Variants in LARGE1 observed in about 807,000 individuals in gnomAD.
LARGE1 encodes the protein xylosyl- and glucuronyltransferase LARGE1.
Under a neutral mutation model 87.6 loss-of-function variants are expected in LARGE1, and 43 were observed. The observed-to-expected ratio is 0.49, with a 90% CI of 0.38 to 0.63. The LOEUF (loss-of-function observed/expected upper bound fraction) is 0.63, where lower values mean the gene tolerates loss of function less well. LARGE1 is among the 30% of genes least tolerant of loss of function. The pLI, the probability that LARGE1 is intolerant of heterozygous loss-of-function variation, is 0.00. For missense variants in LARGE1, 802 were observed against 1,000.2 expected (o/e 0.80, Z 2.67); for synonymous variants, 434 against 394.6 (o/e 1.10, Z -1.18).
chr22:33,914,270 C>T (rs1219897368), intron 1 of LARGE1, among the ~76,000 whole-genome samples: 1 of 152,150 alleles, frequency 6.6e-6, no homozygotes, highest in East Asian at 1.9e-4. Context: ...TACCCAATTG[C>T]TCTTCTACTC....
intron 6 of LARGE1, among the ~76,000 whole-genome samples, chr22:33,507,839 G>GTA (rs1317497853): frequency 2.6e-5 from 4 of 152,140 alleles, no homozygotes; most frequent in Non-Finnish European, 4.4e-5. Flanking sequence ...CACTGGTGTG[G>GTA]TACCAGAATT....
chr22:33,375,431 T>C (rs966036533), intron 9 of LARGE1, among the ~76,000 whole-genome samples: 7 of 152,168 alleles, frequency 4.6e-5, no homozygotes, highest in Middle Eastern at 3.2e-3. Context: ...GCAGACCCCT[T>C]GAGGCCAGGA....
chr22:33,653,656 T>C (rs143219079), intron 2 of LARGE1, among the ~76,000 whole-genome samples: 8 of 152,276 alleles, frequency 5.3e-5, no homozygotes, highest in African/African-American at 9.6e-5. Flanking sequence ...GTGTCCCTTA[T>C]TGGGAGGCGC....
rs2064259653 is a variant in LARGE1 at position 33,870,906 on chromosome 22, G to T, written c.-83+49089C>A. On this transcript the variant is annotated intron_variant, in intron 1 of 14. Coordinates refer to ENST00000397394, the MANE Select transcript of LARGE1 (RefSeq NM_133642.5). ...AGGAGGGAAAACTGAGGCATACAGA[G>T]ATTAAATCATTTGCATAAGGGCACA... 2.6e-5 allele frequency among the ~76,000 whole-genome samples: 4 copies of T among 152,166 alleles called. 1 individual carries two copies. The South Asian group carries it at 8.3e-4, about 32-fold the overall frequency.
chr22:33,260,998 G>C (rs1271485468), intron 11 of LARGE1, among the ~76,000 whole-genome samples: 1 of 152,142 alleles, frequency 6.6e-6, no homozygotes, highest in Non-Finnish European at 1.5e-5. Flanking sequence ...AAATGCCAAT[G>C]AATTGCCCAA....
chr22:33,394,702 C>CGTGTGTGT (rs59338001), intron 7 of LARGE1, among the ~76,000 whole-genome samples: 162 of 142,420 alleles, frequency 1.1e-3, no homozygotes, highest in East Asian at 9.9e-3. Flanking sequence ...CTCCTGGGAG[C>CGTGTGTGT]GTGTGTGTGT....
intron 6 of LARGE1, among the ~76,000 whole-genome samples, chr22:33,461,692 CA>C (rs59692721): frequency 0.21 from 29,826 of 142,372 alleles, 3,040 homozygotes; most frequent in East Asian, 0.29. Flanking sequence ...AGAGAAATTA[CA>C]AAAAAAAAAA....
intron 11 of LARGE1, among the ~76,000 whole-genome samples, chr22:33,235,476 TAACA>T (rs57370374): frequency 0.025 from 3,753 of 152,288 alleles, 52 homozygotes; most frequent in African/African-American, 0.033. Flanking sequence ...TTGGTGCACG[TAACA>T]AACAAACGGA....
chr22:33,254,383 TGAA>T (rs569592388), intron 11 of LARGE1, among the ~76,000 whole-genome samples: 90 of 152,334 alleles, frequency 5.9e-4, no homozygotes, highest in South Asian at 1.0e-3. Flanking sequence ...GGCCCATTGT[TGAA>T]GAGGTTGTGG....
intron 6 of LARGE1, among the ~76,000 whole-genome samples, chr22:33,493,154 C>CTTTT (rs750203810): frequency 4.1e-4 from 45 of 109,188 alleles, no homozygotes; most frequent in African/African-American, 7.7e-4. Flanking sequence ...GCATGGTGGC[C>CTTTT]TTTTTTTTTT....
chr22:33,378,644 G>A (rs77073315), intron 9 of LARGE1, among the ~76,000 whole-genome samples: 2,287 of 152,270 alleles, frequency 0.015, 60 homozygotes, highest in African/African-American at 0.051. Context: ...GACTTCTGAT[G>A]CCAGATATTG....
intron 5 of LARGE1, among the ~76,000 whole-genome samples, chr22:33,570,107 A>G (rs1000655942): frequency 1.3e-5 from 2 of 152,140 alleles, no homozygotes; most frequent in Non-Finnish European, 2.9e-5. Context: ...ACCTCAGGTA[A>G]CTCACTTAAC....
At chr22:33,897,294 T>C (rs570514993) in intron 1 of LARGE1, among the ~76,000 whole-genome samples, 2 of 152,308 alleles carry the variant, frequency 1.3e-5, no homozygotes, top group South Asian at 4.1e-4. Context: ...CCCACATACC[T>C]ACTCCTCCGC....
At chr22:33,580,949 C>T (rs541931149) in intron 5 of LARGE1, among the ~76,000 whole-genome samples, 5 of 152,088 alleles carry the variant, frequency 3.3e-5, no homozygotes, top group East Asian at 3.9e-4. Flanking sequence ...CATACATAAC[C>T]GGTCAGTTTG....
chr22:33,352,421 A>G (rs564930016), intron 9 of LARGE1, among the ~76,000 whole-genome samples: 2 of 152,148 alleles, frequency 1.3e-5, no homozygotes, highest in East Asian at 3.9e-4. Flanking sequence ...AAAGCAATAT[A>G]TTGATGTTGG....
chr22:33,723,199 G>C (rs1331800306), intron 2 of LARGE1, among the ~76,000 whole-genome samples: 1 of 152,178 alleles, frequency 6.6e-6, no homozygotes, highest in Non-Finnish European at 1.5e-5. Context: ...ACAAGAAAGA[G>C]AAGTTTCTAG....
chr22:33,783,326 G>T (rs2085487049), intron 1 of LARGE1, among the ~76,000 whole-genome samples: 2 of 152,172 alleles, frequency 1.3e-5, no homozygotes, highest in Non-Finnish European at 2.9e-5. Context: ...ATTTGTTTGG[G>T]AGGCTGAGGC....
At chr22:33,405,274 C>G (rs1322821584) in intron 7 of LARGE1, among the ~76,000 whole-genome samples, 1 of 152,178 alleles carries the variant, frequency 6.6e-6, no homozygotes, top group Non-Finnish European at 1.5e-5. Context: ...CCAGGAAGCT[C>G]TAGCCTAGCT....
intron 2 of LARGE1, among the ~76,000 whole-genome samples, chr22:33,698,250 T>A (rs940972256): frequency 7.5e-6 from 1 of 132,470 alleles, no homozygotes; most frequent in Non-Finnish European, 1.6e-5. Context: ...TTTTTGTATT[T>A]TTTTGTAGAG....
Sources: allele counts gnomAD v4.1 joint callset (sites outside exome capture counted in the v4.1 genomes callset), GRCh38; gene constraint gnomAD v4.1.1; transcripts MANE v1.5; gene names NCBI Gene and HGNC (gene_info 2026-07-23, HGNC 2026-07-21).